Variants in PHIP observed in about 807,000 individuals in gnomAD.
PHIP encodes the protein PHIP subunit of CUL4-Ring ligase complex.
In PHIP, 54 loss-of-function variants were observed where a neutral mutation model predicts 236.8. The ratio of observed to expected loss-of-function variants is 0.23; its 90% CI spans 0.18 to 0.29. The LOEUF is 0.29. PHIP is among the 10% of genes least tolerant of loss of function. The pLI is 1.00. For synonymous variants in PHIP, 756 were observed against 718.9 expected, an observed-to-expected ratio of 1.05 and a Z score of -0.83; for missense variants, 1,370 against 2,190.8, an observed-to-expected ratio of 0.63 and a Z score of 7.48.
chr6:78,978,914 A>C lies in PHIP; in HGVS notation c.2770-203T>G, dbSNP rs114041434. Among the ~76,000 whole-genome samples the C allele has an allele frequency of 6.2e-3, 938 of 152,236 alleles. 11 individuals are homozygous for C. The highest frequency in any genetic ancestry group is 0.021 in the African/African-American group (883 of 41,548). ...CTTGACTGAAAATATTTGGAAAAAAAATTCCACAAAGTTCCAACAGGCAAA... is the reference window on the plus strand; with the variant it reads ...CTTGACTGAAAATATTTGGAAAAAACATTCCACAAAGTTCCAACAGGCAAA... On this transcript the variant is annotated intron_variant, in intron 23 of 39. Coordinates refer to ENST00000275034, the MANE Select transcript of PHIP (RefSeq NM_017934.7).
chr6:78,935,728 C>CT lies in PHIP; in HGVS notation c.*4964dup. ...CAAAACACACAGGGCACTGGAAACT[C>CT]TAATGAACCAGCATTTACATAATGG... On this transcript the variant is annotated 3_prime_UTR_variant, in exon 40 of 40. Transcript: ENST00000275034. 1 of 985,220 alleles carries CT rather than the reference C, an allele frequency of 1.0e-6. No homozygotes were observed. The highest frequency in any genetic ancestry group is 1.2e-6 in the Non-Finnish European group (1 of 829,808). 61.0% of individuals were successfully genotyped at this position (985,220 alleles called of 1,614,324 possible). A position where few individuals can be genotyped will look rare whatever the true frequency, so the allele number is the denominator to read the frequency against.
rs962005548 is a variant in PHIP at position 79,063,050 on chromosome 6, G to A, written c.190-2232C>T. On this transcript the variant is annotated intron_variant, in intron 4 of 39. Transcript: ENST00000275034. ...TATATTTTGATACTTAGACTTTTAAGAATCTAATGACAGCTACGATCTTCT... is the reference window on the plus strand; with the variant it reads ...TATATTTTGATACTTAGACTTTTAAAAATCTAATGACAGCTACGATCTTCT... Among the ~76,000 whole-genome samples the A allele has an allele frequency of 3.3e-4, 50 of 152,092 alleles. 3 individuals carry two copies. The highest frequency in any genetic ancestry group is 2.6e-3 in the Admixed American group (40 of 15,272).
At chr6:79,068,491 C>A (rs1400461368) in intron 4 of PHIP, among the ~76,000 whole-genome samples, 1 of 151,992 alleles carries the variant, frequency 6.6e-6, no homozygotes, top group Non-Finnish European at 1.5e-5. Context: ...ACAAAAAACC[C>A]CACGAAATCT....
Position 78,997,463 on chromosome 6 carries a change from C to A in PHIP, c.2152G>T (p.Ala718Ser). The A allele has an allele frequency of 6.2e-7, 1 of 1,614,010 alleles. No homozygotes were observed. The highest frequency in any genetic ancestry group is 8.5e-7 in the Non-Finnish European group (1 of 1,179,958). ...GGTACTACCACCCTTCGACTCCAAG[C>A]TACCAGATCCCGCTCTGTGGCTATT... is the stretch of plus-strand genomic sequence containing the variant. ...SEIATERDLV[A>S]WSRRVVVPEL... The change falls in exon 19 of 40, where the codon GCT becomes TCT. Residue 718 changes from alanine to serine, a missense_variant. Transcript: ENST00000275034.
intron 19 of PHIP, among the ~76,000 whole-genome samples, chr6:78,995,132 T>A (rs1769525974): frequency 6.6e-6 from 1 of 152,206 alleles, no homozygotes. Context: ...ATACAGGATG[T>A]ACTTTGAAAT....
chr6:79,005,129 TAGATA>T (rs1288055694), intron 15 of PHIP, among the ~76,000 whole-genome samples: 3 of 151,964 alleles, frequency 2.0e-5, no homozygotes, highest in Non-Finnish European at 2.9e-5. Context: ...GTAACCATAT[TAGATA>T]AAACTAGGAA....
intron 21 of PHIP, among the ~76,000 whole-genome samples, chr6:78,987,921 C>T (rs1562155619): frequency 6.6e-6 from 1 of 152,188 alleles, no homozygotes; most frequent in Non-Finnish European, 1.5e-5. Context: ...AATCCCTGCT[C>T]TACCTCTTAA....
intron 4 of PHIP, among the ~76,000 whole-genome samples, chr6:79,073,660 T>A (rs1318357113): frequency 6.6e-6 from 1 of 152,130 alleles, no homozygotes; most frequent in Non-Finnish European, 1.5e-5. Flanking sequence ...CTAAGATATA[T>A]ACTTAAATAA....
At chr6:79,066,085 T>C (rs549162752) in intron 4 of PHIP, among the ~76,000 whole-genome samples, 7 of 152,024 alleles carry the variant, frequency 4.6e-5, no homozygotes, top group Non-Finnish European at 7.4e-5. Context: ...TGTATATATG[T>C]GGTTTCTCAG....
chr6:79,058,619 T>C (rs940908489), intron 6 of PHIP, among the ~76,000 whole-genome samples: 1 of 152,122 alleles, frequency 6.6e-6, no homozygotes, highest in African/African-American at 2.4e-5. Context: ...AATCTTTCCA[T>C]GCTTCAGTCT....
At chr6:78,959,091 T>C (rs2127695664) in intron 31 of PHIP, among the ~76,000 whole-genome samples, 1 of 152,256 alleles carries the variant, frequency 6.6e-6, no homozygotes, top group East Asian at 1.9e-4. Flanking sequence ...CATAAAAATA[T>C]AGCATGCTAG....
chr6:79,059,550 AAAGAC>A (rs1378635769), intron 6 of PHIP, among the ~76,000 whole-genome samples: 6 of 147,474 alleles, frequency 4.1e-5, no homozygotes, highest in Non-Finnish European at 6.0e-5. Context: ...TATATTTTTA[AAAGAC>A]AAGAAATAAA....
At chr6:79,025,489 T>C in intron 9 of PHIP, 30 bp downstream of exon 9, 3 of 1,321,952 alleles carry the variant, frequency 2.3e-6, no homozygotes, top group Non-Finnish European at 3.3e-6. Flanking sequence ...ACTAAACACA[T>C]TTAATCTATG....
At chr6:79,037,808 GATTC>G (rs1280074578) in intron 7 of PHIP, among the ~76,000 whole-genome samples, 1 of 152,130 alleles carries the variant, frequency 6.6e-6, no homozygotes, top group Non-Finnish European at 1.5e-5. Flanking sequence ...CAAATTGCTT[GATTC>G]ATTCATCATT....
At position 78,962,777 on chromosome 6, in the gene PHIP, T is replaced by G. The variant is rs868805659; in HGVS notation, c.3535+320A>C. Among the ~76,000 whole-genome samples, 7 of 152,274 alleles carry G rather than the reference T, an allele frequency of 4.6e-5. No individual in the cohort carries two copies. In the South Asian group the frequency reaches 1.4e-3, roughly 32 times the overall value. On this transcript the variant is annotated intron_variant, in intron 30 of 39. Transcript: ENST00000275034. ...ATTATAACTCAGCTTTCAATCCTCC[T>G]CCTCCAATTCATATCATGTCAGCCT...
At chr6:79,002,261 T>C (rs1770043618) in intron 16 of PHIP, 137 bp from the exon 17 acceptor site, 4 of 590,288 alleles carry the variant, frequency 6.8e-6, no homozygotes, top group Non-Finnish European at 1.2e-5. Flanking sequence ...TAAAATATTA[T>C]TTTCCTGAAT....
At chr6:78,985,475 A>T (rs1443076422) in intron 21 of PHIP, 47 bp from the exon 22 acceptor site, 5 of 907,322 alleles carry the variant, frequency 5.5e-6, no homozygotes, top group South Asian at 5.4e-5. Context: ...TTATAAAATA[A>T]CATTTTATGA....
intron 22 of PHIP, among the ~76,000 whole-genome samples, chr6:78,984,382 T>C (rs1768733550): frequency 1.3e-5 from 2 of 151,420 alleles, no homozygotes; most frequent in African/African-American, 2.4e-5. Flanking sequence ...CCACTGTAAA[T>C]GGTACCTGCC....
intron 24 of PHIP, among the ~76,000 whole-genome samples, chr6:78,974,053 C>G (rs2127710413): frequency 6.6e-6 from 1 of 152,280 alleles, no homozygotes; most frequent in East Asian, 1.9e-4. Context: ...AACTCTCCAC[C>G]TCAAATCAAC....
Sources: gnomAD v4.1 joint callset for allele counts (sites outside exome capture counted in the v4.1 genomes callset) on GRCh38, gnomAD v4.1.1 for gene constraint, MANE v1.5 for transcripts, NCBI Gene and HGNC (gene_info 2026-07-23, HGNC 2026-07-21) for gene names.